The following GPHN variants were observed in gnomAD, a reference collection of about 807,000 sequenced individuals.
GPHN encodes the protein gephyrin.
GPHN carries 17 observed loss-of-function variants against 95.5 expected under a neutral mutation model. The observed-to-expected ratio is 0.18, with a 90% CI of 0.12 to 0.27. The LOEUF (loss-of-function observed/expected upper bound fraction) is 0.27. GPHN is among the 10% of genes least tolerant of loss of function. The probability of loss-of-function intolerance (pLI) is 1.00; values close to 1 mark genes in which losing one functional copy is unlikely to be tolerated. For missense variants in GPHN, 660 were observed against 978.1 expected, an observed-to-expected ratio of 0.67 and a Z score of 4.34; for synonymous variants, 320 against 322.5, an observed-to-expected ratio of 0.99 and a Z score of 0.08.
At chr14:66,711,328 A>C (rs1198163149) in intron 2 of GPHN, among the ~76,000 whole-genome samples, 1 of 152,180 alleles carries the variant, frequency 6.6e-6, no homozygotes, top group East Asian at 1.9e-4. Context: ...ACTTAGAATA[A>C]TAGTCTCTAA....
chr14:66,767,677 T>A (rs1047462920), intron 2 of GPHN, among the ~76,000 whole-genome samples: 2 of 151,974 alleles, frequency 1.3e-5, no homozygotes, highest in African/African-American at 4.8e-5. Flanking sequence ...GAATAGTTGC[T>A]ACTCATGCCA....
chr14:66,783,795 A>T (rs2059683517), intron 3 of GPHN, among the ~76,000 whole-genome samples: 1 of 152,196 alleles, frequency 6.6e-6, no homozygotes, highest in South Asian at 2.1e-4. Flanking sequence ...TTACAGTCTT[A>T]AATTAAGCAG....
the GPHN span, among the ~76,000 whole-genome samples, chr14:67,230,668 T>TG: frequency 6.6e-6 from 1 of 152,134 alleles, no homozygotes; most frequent in South Asian, 2.1e-4. Flanking sequence ...AGAGTCATAG[T>TG]TTTGTTCATA....
intron 2 of GPHN, among the ~76,000 whole-genome samples, chr14:66,726,597 T>C (rs563754165): frequency 6.6e-6 from 1 of 152,334 alleles, no homozygotes; most frequent in Admixed American, 6.5e-5. Flanking sequence ...TTTTAGACTA[T>C]TATTATTTTG....
At chr14:67,169,768 G>T (rs191695980) in intron 21 of GPHN, among the ~76,000 whole-genome samples, 1 of 152,280 alleles carries the variant, frequency 6.6e-6, no homozygotes, top group East Asian at 1.9e-4. Flanking sequence ...GACAGGAAGA[G>T]CAAAAAACAT....
chr14:67,651,536 A>G, the GPHN span: 2 of 1,595,402 alleles, frequency 1.3e-6, no homozygotes, highest in Non-Finnish European at 1.7e-6. Flanking sequence ...CCTTCCTTCT[A>G]AACATTTTGG....
At chr14:67,401,027 T>G in the GPHN span, among the ~76,000 whole-genome samples, 7 of 152,092 alleles carry the variant, frequency 4.6e-5, no homozygotes, top group African/African-American at 1.7e-4. Flanking sequence ...TAGTATGGGA[T>G]GCACTGTGTG....
At chr14:66,702,608 T>G (rs2068661388) in intron 2 of GPHN, among the ~76,000 whole-genome samples, 1 of 151,602 alleles carries the variant, frequency 6.6e-6, no homozygotes, top group South Asian at 2.1e-4. Flanking sequence ...AACAACAGCA[T>G]CGACAACAAC....
At chr14:67,626,914 GC>G in the GPHN span, among the ~76,000 whole-genome samples, 1 of 152,202 alleles carries the variant, frequency 6.6e-6, no homozygotes. Context: ...ACTAATTTAT[GC>G]TACAACATGG....
chr14:66,807,528 T>G (rs2060593231), intron 3 of GPHN, among the ~76,000 whole-genome samples: 1 of 152,216 alleles, frequency 6.6e-6, no homozygotes. Flanking sequence ...TCATTCTGCG[T>G]GAATGCTATA....
At chr14:67,466,766 G>A in the GPHN span, among the ~76,000 whole-genome samples, 1 of 152,128 alleles carries the variant, frequency 6.6e-6, no homozygotes, top group Non-Finnish European at 1.5e-5. Context: ...GCCAAGGCAG[G>A]TGGATCACCT....
chr14:67,221,657 G>A, the GPHN span: 40 of 1,458,594 alleles, frequency 2.7e-5, no homozygotes, highest in Middle Eastern at 4.8e-4. Flanking sequence ...TTTGCTAAAC[G>A]TGTTTCATTA....
chr14:66,617,205 G>T (rs2063082456), intron 1 of GPHN, among the ~76,000 whole-genome samples: 1 of 152,226 alleles, frequency 6.6e-6, no homozygotes, highest in Non-Finnish European at 1.5e-5. Context: ...GAGCTGAAAT[G>T]GCTTAGACAG....
the GPHN span, among the ~76,000 whole-genome samples, chr14:67,721,488 C>T: frequency 2.6e-5 from 4 of 152,080 alleles, no homozygotes; most frequent in Non-Finnish European, 4.4e-5. Context: ...CTCAAGGGAT[C>T]CCCCTACCTT....
At chr14:66,956,571 G>A (rs1054639905) in intron 8 of GPHN, among the ~76,000 whole-genome samples, 5 of 151,570 alleles carry the variant, frequency 3.3e-5, no homozygotes, top group African/African-American at 7.3e-5. Flanking sequence ...TTTAATGATC[G>A]CCATTCTAAC....
At chr14:66,611,001 T>C (rs1371834735) in intron 1 of GPHN, among the ~76,000 whole-genome samples, 1 of 152,154 alleles carries the variant, frequency 6.6e-6, no homozygotes, top group Non-Finnish European at 1.5e-5. Context: ...AGTTTTTTGC[T>C]AAAACTGAAT....
intron 9 of GPHN, among the ~76,000 whole-genome samples, chr14:66,967,270 G>A (rs1048208753): frequency 2.6e-5 from 4 of 151,850 alleles, no homozygotes. Context: ...TTTAAAAGGA[G>A]TTAGTCTATT....
the GPHN span, among the ~76,000 whole-genome samples, chr14:67,716,190 C>G: frequency 6.9e-6 from 1 of 144,970 alleles, no homozygotes. Flanking sequence ...GAGTGAGACT[C>G]CGTCTCAAAA....
chr14:67,638,010 G>A, the GPHN span, among the ~76,000 whole-genome samples: 1 of 152,126 alleles, frequency 6.6e-6, no homozygotes, highest in Non-Finnish European at 1.5e-5. Context: ...GGGAGACCTA[G>A]ACTTAGCCAC....
Sources: allele counts gnomAD v4.1 joint callset (sites outside exome capture counted in the v4.1 genomes callset), GRCh38; gene constraint gnomAD v4.1.1; transcripts MANE v1.5; gene names NCBI Gene and HGNC (gene_info 2026-07-23, HGNC 2026-07-21).